CGN: variants seen among roughly 807,000 people sequenced by gnomAD.
CGN encodes cingulin.
In CGN, 121 loss-of-function variants were observed where a neutral mutation model predicts 157.1. The observed-to-expected ratio is 0.77, with a 90% CI of 0.66 to 0.90. The LOEUF is 0.90. Among genes scored for constraint, CGN ranks in the 40% least tolerant of loss-of-function variants. The pLI is 0.00. For synonymous variants in CGN, 535 were observed against 607.5 expected, an observed-to-expected ratio of 0.88 and a Z score of 1.76; for missense variants, 1,424 against 1,520.9, an observed-to-expected ratio of 0.94 and a Z score of 1.06.
chr1:151,527,268 A>G (rs895530920), intron 10 of CGN, among the ~76,000 whole-genome samples, 161 bp downstream of exon 10: 2 of 152,156 alleles, frequency 1.3e-5, no homozygotes, highest in Non-Finnish European at 2.9e-5. Context: ...CAGCAGCACC[A>G]GTCTCCTCAT....
chr1:151,529,305 T>C (rs1215389349), intron 10 of CGN, 45 bp from the exon 11 acceptor site: 3 of 1,529,498 alleles, frequency 2.0e-6, no homozygotes, highest in African/African-American at 1.4e-5. Flanking sequence ...TCAGGTATCT[T>C]AGTCTGGCTC....
At chr1:151,520,532 A>G in intron 4 of CGN, 49 bp downstream of exon 4, 1 of 1,610,760 alleles carries the variant, frequency 6.2e-7, no homozygotes, top group Non-Finnish European at 8.5e-7. Flanking sequence ...TAGAGCTTTG[A>G]GGGCCTCAGG....
intron 10 of CGN, among the ~76,000 whole-genome samples, chr1:151,528,156 A>G (rs1664739437): frequency 6.6e-6 from 1 of 150,566 alleles, no homozygotes; most frequent in South Asian, 2.1e-4. Flanking sequence ...AAATACACGT[A>G]CTCAGTGTTT....
chr1:151,520,287 C>T (rs770146427), intron 3 of CGN, 21 bp downstream of exon 3: 28 of 1,587,382 alleles, frequency 1.8e-5, no homozygotes, highest in Non-Finnish European at 2.4e-5. Context: ...GCCCCCCCAA[C>T]AACAGAGGCA....
intron 2 of CGN, 26 bp downstream of exon 2, chr1:151,519,418 C>A (rs1427389940): frequency 6.5e-7 from 1 of 1,539,096 alleles, no homozygotes; most frequent in Non-Finnish European, 8.7e-7. Context: ...TCCCTGACTT[C>A]TAAATGTCAG....
At chr1:151,517,513 T>TC (rs1018600324) in intron 1 of CGN, among the ~76,000 whole-genome samples, 7 of 151,624 alleles carry the variant, frequency 4.6e-5, no homozygotes, top group Non-Finnish European at 8.8e-5. Flanking sequence ...ACAGTGTTTT[T>TC]TTTTTTTTTT....
chr1:151,520,019 T>G, intron 2 of CGN, 147 bp from the exon 3 acceptor site: 4 of 652,120 alleles, frequency 6.1e-6, no homozygotes, highest in Non-Finnish European at 8.0e-6. Context: ...TTTTCCTTGC[T>G]GCATTTCAGG....
intron 10 of CGN, 73 bp from the exon 11 acceptor site, chr1:151,529,277 G>A: frequency 7.6e-7 from 1 of 1,320,384 alleles, no homozygotes; most frequent in Non-Finnish European, 1.1e-6. Flanking sequence ...GTGTATGAGA[G>A]TTTCAGCTTC....
chr1:151,527,091 T>C lies in CGN; in HGVS notation c.1880T>C (p.Val627Ala), dbSNP rs1347918811. The change falls in exon 10 of 21, where the codon GTT becomes GCT. Residue 627 changes from valine to alanine, a missense_variant. Physicochemically the swap from Val to Ala is moderately conservative, Grantham distance 64. Transcript: ENST00000271636. ...GCTAGTGCTGGAGATACTCGCCAGGTTGAGGTGCTCAAGAAGGTATTTGGG... is the reference window on the plus strand; with the variant it reads ...GCTAGTGCTGGAGATACTCGCCAGGCTGAGGTGCTCAAGAAGGTATTTGGG... ...ARASAGDTRQ[V>A]EVLKKELLRT... The C allele has an allele frequency of 6.2e-7, 1 of 1,614,030 alleles. No individual in the cohort carries two copies. The highest frequency in any genetic ancestry group is 1.7e-5 in the Admixed American group (1 of 60,006).
Position 151,518,590 on chromosome 1 carries a change from C to T in CGN, c.71C>T (p.Thr24Ile), listed in dbSNP as rs1316185449. The T allele has an allele frequency of 4.2e-5, 68 of 1,614,028 alleles. No homozygotes were observed. In the Admixed American group the frequency reaches 1.1e-3, roughly 27 times the overall value. Reference protein sequence around the residue: ...VDHGVQIRFITEPVSGAEMGT... With the variant: ...VDHGVQIRFIIEPVSGAEMGT... ...CATGGAGTCCAGATTCGCTTCATCA[C>T]AGAGCCAGTGAGTGGTGCAGAGATG... The change falls in exon 2 of 21, where the codon ACA (threonine) becomes ATA (isoleucine). Residue 24 changes from threonine to isoleucine, a missense_variant. Coordinates refer to ENST00000271636, the MANE Select transcript of CGN (RefSeq NM_020770.3).
Position 151,518,764 on chromosome 1 carries a change from TCAAGGGGGC to T in CGN, c.249_257del (p.Lys83_Ala85del). The stretch of plus-strand genomic sequence containing the variant: ...GGCGGTGACTCCTTTGGGGTCCAAA[TCAAGGGGGC>T]CAATGACCAAGGGGCCTCAGGAGCT... On this transcript the variant is annotated inframe_deletion, in exon 2 of 21. Coordinates refer to ENST00000271636, the MANE Select transcript of CGN (RefSeq NM_020770.3). 1 of 1,614,030 alleles carries T rather than the reference TCAAGGGGGC, an allele frequency of 6.2e-7. No homozygotes were observed. Among genetic ancestry groups the T allele is most frequent in the Non-Finnish European group, 8.5e-7 (1 of 1,179,960 alleles).
rs967335449 is a variant in CGN, at chr1:151,523,510, T to C, written c.1217T>C (p.Leu406Pro). Residue 406 changes from leucine (L) to proline (P), a missense_variant, in exon 6 of 21, where the codon CTG becomes CCG. Leu to Pro is a moderately conservative substitution (Grantham distance 98). Transcript: ENST00000271636. ...GAGAAAACAGAAGAGTGCAGCCGAC[T>C]GCAGGAGCTGCTGGAGAGGAGGAAG... The part of the protein sequence containing the change: ...LEEKTEECSR[L>P]QELLERRKGE... The C allele has an allele frequency of 9.9e-6, 16 of 1,613,308 alleles. No individual in the cohort carries two copies. The highest frequency in any genetic ancestry group is 1.4e-5 in the Non-Finnish European group (16 of 1,179,672).
At position 151,525,647 on chromosome 1, in the gene CGN, T is replaced by A. The variant is rs367748641; in HGVS notation, c.1620T>A (p.His540Gln). The A allele has an allele frequency of 6.3e-7, 1 of 1,597,180 alleles. No individual in the cohort carries two copies. The highest frequency in any genetic ancestry group is 1.1e-5 in the South Asian group (1 of 89,312). The change falls in exon 9 of 21, where the codon CAT becomes CAA. Residue 540 changes from histidine to glutamine, a missense_variant. Coordinates refer to ENST00000271636, the MANE Select transcript of CGN (RefSeq NM_020770.3). Reference protein sequence around the residue: ...RRSMQDATQDHAVLEAERQKM... With the variant: ...RRSMQDATQDQAVLEAERQKM... ...CCAACTCTCCCCTTCTCTAGGACCA[T>A]GCAGTGCTGGAGGCCGAGAGGCAGA... is the stretch of plus-strand genomic sequence containing the variant.
chr1:151,531,239 C>T (rs1664830318), intron 13 of CGN, among the ~76,000 whole-genome samples: 1 of 151,926 alleles, frequency 6.6e-6, no homozygotes, highest in South Asian at 2.1e-4. Flanking sequence ...CTTCCTACCT[C>T]CCCTCCATGT....
upstream of CGN, chr1:151,511,384 A>ATTCTC (rs1664281627): frequency 6.5e-6 from 1 of 153,534 alleles, no homozygotes; most frequent in Non-Finnish European, 1.4e-5. The surrounding 1 kb of genome is among the most constrained non-coding windows in gnomAD (Gnocchi z 4.8). Context: ...AGGGAGAGAA[A>ATTCTC]GGAGGGAGCT....
rs1432966094 is a variant in CGN, at chr1:151,535,677, G to C, written c.3072G>C (p.Glu1024Asp). Residue 1024 changes from glutamate to aspartate, a missense_variant, in exon 17 of 21, where the codon GAG (glutamate) becomes GAC (aspartate). Coordinates refer to ENST00000271636, the MANE Select transcript of CGN (RefSeq NM_020770.3). ...QDLECDKISL[E>D]RQNKDLKTRL... The stretch of plus-strand genomic sequence containing the variant: ...TGGAGTGTGACAAAATCTCCTTGGA[G>C]AGACAGGTGATGGGGGAGGGGAGGA... The C allele has an allele frequency of 1.2e-6, 2 of 1,613,898 alleles. No individual in the cohort carries two copies. The highest frequency in any genetic ancestry group is 2.2e-5 in the East Asian group (1 of 44,890).
chr1:151,511,086 A>G (rs1664269570), upstream of CGN: 1 of 152,300 alleles, frequency 6.6e-6, no homozygotes, highest in Admixed American at 6.5e-5. The surrounding 1 kb of genome is among the most constrained non-coding windows in gnomAD (Gnocchi z 4.8). Context: ...AGAGCCCAGA[A>G]GATGCTCTGG....
chr1:151,530,969 G>C (rs986175724), intron 13 of CGN, among the ~76,000 whole-genome samples: 1 of 151,976 alleles, frequency 6.6e-6, no homozygotes, highest in African/African-American at 2.4e-5. Flanking sequence ...GCAAAACTCT[G>C]TCTCTACTAA....
rs750786475 is a variant in CGN, at chr1:151,520,265, G to A, written c.973G>A (p.Gly325Arg). The A allele has an allele frequency of 1.4e-5, 23 of 1,611,926 alleles. No individual in the cohort carries two copies. The highest frequency in any genetic ancestry group is 1.7e-4 in the Middle Eastern group (1 of 5,730). Residue 325 changes from glycine to arginine, a missense_variant and splice_region_variant, in exon 3 of 21, where the codon GGA becomes AGA. By Grantham distance (125) the Gly-to-Arg change is moderately radical. Coordinates refer to ENST00000271636, the MANE Select transcript of CGN (RefSeq NM_020770.3). ...CACCATCTATGGCATCCTGAGGGAG[G>A]GGTGAGTGGGGGCCCCCCCAACAAC... is the stretch of plus-strand genomic sequence containing the variant. The part of the protein sequence containing the change: ...KATIYGILRE[G>R]SSESETSVRR...
Sources: gnomAD v4.1 joint callset for allele counts (sites outside exome capture counted in the v4.1 genomes callset) on GRCh38, gnomAD v4.1.1 for gene constraint, Gnocchi (gnomAD v3.1) non-coding constraint, MANE v1.5 for transcripts, NCBI Gene and HGNC (gene_info 2026-07-23, HGNC 2026-07-21) for gene names.